Variants in GSE1 observed in about 807,000 individuals in gnomAD.
The protein encoded by GSE1 is Gse1 coiled-coil protein.
In GSE1, 32 loss-of-function variants were observed where a neutral mutation model predicts 112.6. The ratio of observed to expected loss-of-function variants is 0.28; its 90% confidence interval spans 0.21 to 0.38. The LOEUF is 0.38. Among genes scored for constraint, GSE1 ranks in the 10% least tolerant of loss-of-function variants. The pLI is 1.00. For missense variants in GSE1, 2,348 were observed against 1,699.2 expected (o/e 1.38, Z -6.71); for synonymous variants, 1,115 against 735.6 (o/e 1.52, Z -8.35).
intron 2 of GSE1, among the ~76,000 whole-genome samples, chr16:85,474,564 A>G (rs773456880): frequency 9.2e-5 from 14 of 151,952 alleles, no homozygotes; most frequent in Non-Finnish European, 2.1e-4. Context: ...GCCTTGGGGA[A>G]CGTGCTTGCC....
chr16:85,506,760 C>CATTA (rs372428755), intron 2 of GSE1, among the ~76,000 whole-genome samples: 36 of 152,098 alleles, frequency 2.4e-4, no homozygotes, highest in East Asian at 1.9e-3. Context: ...TTCATTCATT[C>CATTA]ATTCATCAGC....
At position 85,675,478 on chromosome 16, in the gene GSE1, A is replaced by AATCT. The variant is rs1567786431; in HGVS notation, c.*2940_*2943dup. 1 of 152,236 alleles carries AATCT rather than the reference A, an allele frequency of 6.6e-6. No homozygotes were observed. Among genetic ancestry groups the AATCT allele is most frequent in the Admixed American group, 6.5e-5 (1 of 15,280 alleles). The allele number at this position is 152,236 out of a possible 1,614,324, so 9.4% of individuals were successfully genotyped here. A position where few individuals can be genotyped will look rare whatever the true frequency, so the allele number is the denominator to read the frequency against. On this transcript the variant is annotated 3_prime_UTR_variant, in exon 16 of 16. Transcript: ENST00000253458. Reference sequence around the variant, plus strand: ...CTTTCCACATTTTAGTCTACATTCTAATCTTAAAGGAATAAAGCACTGAAT... The same window carrying AATCT: ...CTTTCCACATTTTAGTCTACATTCTAATCTATCTTAAAGGAATAAAGCACTGAAT...
intron 2 of GSE1, among the ~76,000 whole-genome samples, chr16:85,502,334 C>T (rs746088202): frequency 1.1e-4 from 17 of 152,204 alleles, no homozygotes; most frequent in Non-Finnish European, 2.2e-4. Flanking sequence ...GTGGGTAGCG[C>T]AGGTTCATGG....
chr16:85,387,055 C>G (rs988897281), intron 2 of GSE1, among the ~76,000 whole-genome samples: 1 of 152,192 alleles, frequency 6.6e-6, no homozygotes, highest in Non-Finnish European at 1.5e-5. Context: ...TCAGAAACCA[C>G]TTGAAAGACA....
chr16:85,604,761 A>ATATATATATATATATATATATATAT, intron 1 of GSE1, among the ~76,000 whole-genome samples: 1 of 5,520 alleles, frequency 1.8e-4, no homozygotes, highest in African/African-American at 9.3e-4. Flanking sequence ...AAAAAAAAAA[A>ATATATATATATATATATATATATAT]AAAAAAAAAA....
At chr16:85,631,690 C>G (rs1455191873) in intron 1 of GSE1, among the ~76,000 whole-genome samples, 2 of 152,364 alleles carry the variant, frequency 1.3e-5, no homozygotes, top group Non-Finnish European at 2.9e-5. Context: ...CCCCTCATGT[C>G]AGTTACCCCA....
At chr16:85,532,553 C>T (rs1255969608) in intron 2 of GSE1, among the ~76,000 whole-genome samples, 1 of 152,212 alleles carries the variant, frequency 6.6e-6, no homozygotes, top group East Asian at 1.9e-4. Context: ...TGAACCACCA[C>T]GTCTGGCCTA....
At chr16:85,432,131 G>A (rs771446561) in intron 2 of GSE1, among the ~76,000 whole-genome samples, 7 of 152,186 alleles carry the variant, frequency 4.6e-5, no homozygotes, top group Non-Finnish European at 7.3e-5. Flanking sequence ...TGAATTACCC[G>A]CTAATAGGCT....
At position 85,634,034 on chromosome 16, in the gene GSE1, GC is replaced by G; in HGVS notation, c.132del (p.Ala45ProfsTer35). 6.2e-7 allele frequency: 1 copy of G among 1,610,794 alleles called. No individual in the cohort carries two copies. The highest frequency in any genetic ancestry group is 8.5e-7 in the Non-Finnish European group (1 of 1,178,734). On this transcript the variant is annotated frameshift_variant, in exon 2 of 16. Coordinates refer to ENST00000253458, the MANE Select transcript of GSE1 (RefSeq NM_014615.5). LOFTEE classifies it high-confidence loss of function. Reference sequence around the variant, plus strand: ...AATGGCGCCCTGGTGCCCAGCGGCAGCCCCGCCACCAGCAGCGCGCTGTCGG... The same window carrying G: ...AATGGCGCCCTGGTGCCCAGCGGCAGCCCGCCACCAGCAGCGCGCTGTCGG... ...PLNGALVPSG[S>X]PATSSALSAQ... is the part of the protein sequence containing the mutation.
intron 1 of GSE1, among the ~76,000 whole-genome samples, chr16:85,598,167 G>GC (rs2047313623): frequency 1.4e-5 from 1 of 71,546 alleles, no homozygotes; most frequent in African/African-American, 5.4e-5. Context: ...AGGTTTGGTT[G>GC]TTTTTTTTTT....
chr16:85,437,730 C>G (rs1052177170), intron 2 of GSE1, among the ~76,000 whole-genome samples: 1 of 152,210 alleles, frequency 6.6e-6, no homozygotes, highest in Non-Finnish European at 1.5e-5. Flanking sequence ...TTACCTTCCT[C>G]CTGTCTAGGA....
chr16:85,661,792 G>GCT (rs773540941), intron 9 of GSE1, 27 bp downstream of exon 9: 34 of 1,474,898 alleles, frequency 2.3e-5, no homozygotes, highest in Admixed American at 1.9e-4. Context: ...GCCCCGAGCT[G>GCT]CTCAGGGAGA....
chr16:85,616,381 A>G lies in GSE1; in HGVS notation c.7+2983A>G, dbSNP rs75455611. On this transcript the variant is annotated intron_variant, in intron 1 of 15. Transcript: ENST00000253458. ...CTTTTCCCTGCCTCCAGGAGCTCGC[A>G]GGGGCTTGTGGAGTCGGCTAGCAGG... Among the ~76,000 whole-genome samples, 370 of 152,312 alleles carry G rather than the reference A, an allele frequency of 2.4e-3. 14 individuals are homozygous for G. The East Asian group carries it at 0.067, about 28-fold the overall frequency.
chr16:85,220,620 CCCG>C, intron 1 of GSE1, among the ~76,000 whole-genome samples: 1 of 89,248 alleles, frequency 1.1e-5, no homozygotes, highest in African/African-American at 3.7e-5. Context: ...CTCGGGCCTG[CCCG>C]CTGCTGCCCG....
chr16:85,423,652 G>A (rs949446448), intron 2 of GSE1, among the ~76,000 whole-genome samples: 5 of 152,084 alleles, frequency 3.3e-5, no homozygotes, highest in African/African-American at 1.2e-4. Context: ...CTGGGTGGGT[G>A]GGGTGTGGCC....
At chr16:85,345,052 G>A (rs2046704972) in intron 1 of GSE1, among the ~76,000 whole-genome samples, 1 of 152,192 alleles carries the variant, frequency 6.6e-6, no homozygotes, top group Non-Finnish European at 1.5e-5. Context: ...TTGTGTTTAG[G>A]AGTCGGCGTA....
chr16:85,672,283 C>G (rs1372162217), intron 15 of GSE1, 122 bp from the exon 16 acceptor site: 1 of 729,828 alleles, frequency 1.4e-6, no homozygotes, highest in South Asian at 1.7e-5. Flanking sequence ...GCGTGAGCCA[C>G]CACGCCCGGC....
intron 2 of GSE1, among the ~76,000 whole-genome samples, chr16:85,391,660 A>G (rs2047841585): frequency 1.3e-5 from 2 of 152,198 alleles, no homozygotes; most frequent in South Asian, 4.1e-4. Context: ...TTTTAACTTG[A>G]TGACATCTGC....
intron 2 of GSE1, among the ~76,000 whole-genome samples, chr16:85,364,077 G>C (rs954782731): frequency 6.6e-6 from 1 of 152,232 alleles, no homozygotes; most frequent in African/African-American, 2.4e-5. Flanking sequence ...TCTGACGTTA[G>C]TCTCACTGTG....
Sources: allele counts gnomAD v4.1 joint callset (sites outside exome capture counted in the v4.1 genomes callset), GRCh38; gene constraint gnomAD v4.1.1; transcripts MANE v1.5; gene names NCBI Gene and HGNC (gene_info 2026-07-23, HGNC 2026-07-21).